GABARAPL2: variants seen among roughly 807,000 people sequenced by gnomAD.
GABARAPL2 encodes gamma-aminobutyric acid receptor-associated protein-like 2.
In GABARAPL2, 11 loss-of-function variants were observed where a neutral mutation model predicts 16.9. That is an observed-to-expected ratio of 0.65 (90% CI 0.41 to 1.08). The LOEUF is 1.08. Among genes scored for constraint, GABARAPL2 ranks in the 50% least tolerant of loss-of-function variants. GABARAPL2 has a pLI of 0.00. For synonymous variants in GABARAPL2, 57 were observed against 50.7 expected, an observed-to-expected ratio of 1.12 and a Z score of -0.53; for missense variants, 134 against 142.5, an observed-to-expected ratio of 0.94 and a Z score of 0.30.
rs2080909489 is a variant in GABARAPL2, at chr16:75,570,714, TATAA to T, written c.263+2509_263+2512del. On this transcript the variant is annotated intron_variant, in intron 3 of 3. Transcript: ENST00000037243. ...AGTAGTTAGTATTAAATATTGATTC[TATAA>T]ATAGAGACAGAGGCAAGTCCCTAAG... Among the ~76,000 whole-genome samples the T allele has an allele frequency of 4.6e-5, 7 of 152,358 alleles. No homozygotes were observed. In the South Asian group the frequency reaches 1.2e-3, roughly 27 times the overall value.
Position 75,568,637 on chromosome 16 carries a change from C to CT in GABARAPL2, c.263+431dup, listed in dbSNP as rs745471607. Among the ~76,000 whole-genome samples the CT allele has an allele frequency of 7.9e-5, 12 of 152,324 alleles. No individual in the cohort carries two copies. The East Asian group carries it at 2.1e-3, about 27-fold the overall frequency. On this transcript the variant is annotated intron_variant, in intron 3 of 3. Coordinates refer to ENST00000037243, the MANE Select transcript of GABARAPL2 (RefSeq NM_007285.7). ...TGCTTGCTCCCAAACTTGGTCAACT[C>CT]TTTGACATTGTAAGAGTCTATAGCT...
chr16:75,569,187 T>C (rs1567444976), intron 3 of GABARAPL2, among the ~76,000 whole-genome samples: 1 of 152,222 alleles, frequency 6.6e-6, no homozygotes, highest in Non-Finnish European at 1.5e-5. Context: ...TTATTTCTGT[T>C]AAAGGTGGAA....
intron 3 of GABARAPL2, among the ~76,000 whole-genome samples, chr16:75,571,099 A>G (rs1331678284): frequency 6.6e-6 from 1 of 152,158 alleles, no homozygotes. Flanking sequence ...ATTGTTGTTG[A>G]GACAAGGTCT....
At chr16:75,570,603 G>A (rs1389327181) in intron 3 of GABARAPL2, among the ~76,000 whole-genome samples, 1 of 152,232 alleles carries the variant, frequency 6.6e-6, no homozygotes, top group African/African-American at 2.4e-5. Flanking sequence ...TATGTCTGAG[G>A]CTGAAGGGGA....
chr16:75,571,308 T>C (rs544355725), intron 3 of GABARAPL2, among the ~76,000 whole-genome samples: 74 of 152,296 alleles, frequency 4.9e-4, no homozygotes, highest in African/African-American at 1.4e-3. Flanking sequence ...ATAACTGACA[T>C]TGGGAAACCT....
intron 3 of GABARAPL2, among the ~76,000 whole-genome samples, chr16:75,570,385 T>C (rs1471655925): frequency 6.6e-6 from 1 of 152,220 alleles, no homozygotes; most frequent in Non-Finnish European, 1.5e-5. Context: ...CTGGCTGTGA[T>C]TCAGCTTCAC....
rs538421845 is a variant in GABARAPL2 at position 75,566,403 on chromosome 16, C to T, written c.-84C>T. 4.1e-5 allele frequency: 43 copies of T among 1,056,086 alleles called. No homozygotes were observed. The highest frequency in any genetic ancestry group is 5.6e-5 in the East Asian group (2 of 35,950). 65.4% of individuals were successfully genotyped at this position (1,056,086 alleles called of 1,614,324 possible). The stretch of plus-strand genomic sequence containing the variant: ...TAGTCGCCGCCGTCGCTGCCGCTGC[C>T]GCTGCCGCCGTCGTTGTTGTTGTGC... On this transcript the variant is annotated 5_prime_UTR_variant, in exon 1 of 4. Transcript: ENST00000037243.
chr16:75,577,254 G>A (rs1184801543), intron 3 of GABARAPL2, 25 bp from the exon 4 acceptor site: 4 of 1,458,770 alleles, frequency 2.7e-6, no homozygotes, highest in East Asian at 4.5e-5. Flanking sequence ...AATTTTCAAT[G>A]ACGTTTTTGT....
Position 75,566,413 on chromosome 16 carries a change from G to A in GABARAPL2, c.-74G>A, listed in dbSNP as rs2080882217. ...CGTCGCTGCCGCTGCCGCTGCCGCC[G>A]TCGTTGTTGTTGTGCTCGGTGCGCT... On this transcript the variant is annotated 5_prime_UTR_variant, in exon 1 of 4. Coordinates refer to ENST00000037243, the MANE Select transcript of GABARAPL2 (RefSeq NM_007285.7). The A allele has an allele frequency of 2.2e-5, 25 of 1,159,826 alleles. No individual in the cohort carries two copies. In the South Asian group the frequency reaches 2.6e-4, roughly 12 times the overall value. The allele number at this position is 1,159,826 out of a possible 1,614,324, so 71.8% of individuals were successfully genotyped here.
In GABARAPL2 at chr16:75,566,927, C is replaced by T; in HGVS notation, c.90+20C>T. 6.3e-7 allele frequency: 1 copy of T among 1,599,562 alleles called. No individual in the cohort carries two copies. The highest frequency in any genetic ancestry group is 8.6e-7 in the Non-Finnish European group (1 of 1,167,210). On this transcript the variant is annotated intron_variant, in intron 2 of 3. Transcript: ENST00000037243. Reference sequence around the variant, plus strand: ...GTTCCGGTGAGTGGACTCTCCGCCCCCTCACCTCGCTGTCACCTCTGTCGT... The same window carrying T: ...GTTCCGGTGAGTGGACTCTCCGCCCTCTCACCTCGCTGTCACCTCTGTCGT...
At chr16:75,569,414 C>T (rs1361775667) in intron 3 of GABARAPL2, among the ~76,000 whole-genome samples, 1 of 152,194 alleles carries the variant, frequency 6.6e-6, no homozygotes, top group East Asian at 1.9e-4. Flanking sequence ...ATCTTGTCAC[C>T]CATGGGGCTC....
chr16:75,566,616 G>C (rs1035551131), intron 1 of GABARAPL2, 96 bp downstream of exon 1: 1 of 1,372,896 alleles, frequency 7.3e-7, no homozygotes, highest in Non-Finnish European at 1.0e-6. Flanking sequence ...GGAGCGGGGC[G>C]GATGCCCTGC....
At chr16:75,572,765 A>G (rs992696001) in intron 3 of GABARAPL2, 5 of 152,182 alleles carry the variant, frequency 3.3e-5, no homozygotes, top group Admixed American at 1.3e-4. Context: ...TGAATCTACC[A>G]CTGGCTTTAC....
intron 3 of GABARAPL2, chr16:75,575,462 CT>C: frequency 6.6e-6 from 1 of 151,910 alleles, no homozygotes; most frequent in Non-Finnish European, 1.5e-5. Context: ...TGCCTGGATA[CT>C]TTTTTTGACA....
Position 75,566,833 on chromosome 16 carries a change from C to G in GABARAPL2, c.35-19C>G, listed in dbSNP as rs1220968140. ...CGGTGGGCAGGCGCGGCCGTCAGCC[C>G]CGTTTGTTTCTCCCACAGAACACAG... On this transcript the variant is annotated intron_variant, in intron 1 of 3. Transcript: ENST00000037243. 1 of 1,611,328 alleles carries G rather than the reference C, an allele frequency of 6.2e-7. No individual in the cohort carries two copies. Among genetic ancestry groups the G allele is most frequent in the Non-Finnish European group, 8.5e-7 (1 of 1,178,794 alleles).
chr16:75,566,388 C>CGTCGCTGCCGCT lies in GABARAPL2; in HGVS notation c.-97_-86dup, dbSNP rs1555506029. 3 of 887,040 alleles carry CGTCGCTGCCGCT rather than the reference C, an allele frequency of 3.4e-6. No homozygotes were observed. The highest frequency in any genetic ancestry group is 2.9e-5 in the East Asian group (1 of 34,452). The allele number at this position is 887,040 out of a possible 1,614,324, so 54.9% of individuals were successfully genotyped here. On this transcript the variant is annotated 5_prime_UTR_variant, in exon 1 of 4. Coordinates refer to ENST00000037243, the MANE Select transcript of GABARAPL2 (RefSeq NM_007285.7). Reference sequence around the variant, plus strand: ...GTCCCGCCTGCCGTGTAGTCGCCGCCGTCGCTGCCGCTGCCGCTGCCGCCG... The same window carrying CGTCGCTGCCGCT: ...GTCCCGCCTGCCGTGTAGTCGCCGCCGTCGCTGCCGCTGTCGCTGCCGCTGCCGCTGCCGCCG...
Position 75,567,980 on chromosome 16 carries a change from G to A in GABARAPL2, c.91-57G>A, listed in dbSNP as rs1403614953. On this transcript the variant is annotated intron_variant, in intron 2 of 3. Transcript: ENST00000037243. ...CTCTGTTCATCAGCTCCTCAGCCAT[G>A]TGAGGCCAGAGCCTCGCTTTAGGAA... is the stretch of plus-strand genomic sequence containing the variant. 3 of 1,402,954 alleles carry A rather than the reference G, an allele frequency of 2.1e-6. No individual in the cohort carries two copies. The African/African-American group carries it at 4.2e-5, about 20-fold the overall frequency. 86.9% of individuals were successfully genotyped at this position (1,402,954 alleles called of 1,614,324 possible). A position where few individuals can be genotyped will look rare whatever the true frequency, so the allele number is the denominator to read the frequency against.
In GABARAPL2 at chr16:75,568,137, T is replaced by C; in HGVS notation, c.191T>C (p.Ile64Thr). The change falls in exon 3 of 4, where the codon ATC (isoleucine) becomes ACC (threonine). Residue 64 changes from isoleucine to threonine, a missense_variant. Ile to Thr is a moderately conservative substitution (Grantham distance 89). Coordinates refer to ENST00000037243, the MANE Select transcript of GABARAPL2 (RefSeq NM_007285.7). ...ACTGTGGCTCAGTTCATGTGGATCA[T>C]CAGGAAAAGGATCCAGCTTCCTTCT... ...DITVAQFMWI[I>T]RKRIQLPSEK... is the part of the protein sequence containing the mutation. 6.2e-7 allele frequency: 1 copy of C among 1,613,274 alleles called. No homozygotes were observed. Among genetic ancestry groups the C allele is most frequent in the Non-Finnish European group, 8.5e-7 (1 of 1,179,202 alleles).
intron 2 of GABARAPL2, among the ~76,000 whole-genome samples, chr16:75,567,573 G>A (rs1214608616): frequency 2.0e-5 from 3 of 152,170 alleles, no homozygotes; most frequent in African/African-American, 7.2e-5. Flanking sequence ...GTTCAGAGAG[G>A]AGCAACAGGC....
Sources: gnomAD v4.1 joint callset for allele counts (sites outside exome capture counted in the v4.1 genomes callset) on GRCh38, gnomAD v4.1.1 for gene constraint, MANE v1.5 for transcripts, NCBI Gene and HGNC (gene_info 2026-07-23, HGNC 2026-07-21) for gene names.